LCORL: variants seen among roughly 807,000 people sequenced by gnomAD.
LCORL encodes the protein ligand dependent nuclear receptor corepressor like.
LCORL carries 41 observed loss-of-function variants against 141.8 expected under a neutral mutation model. That is an observed-to-expected ratio of 0.29 (90% CI 0.23 to 0.38). LCORL has a LOEUF of 0.38. Among genes scored for constraint, LCORL ranks in the 10% least tolerant of loss-of-function variants. The pLI, the probability that LCORL is intolerant of heterozygous loss-of-function variation, is 1.00. For synonymous variants in LCORL, 618 were observed against 694.1 expected (o/e 0.89, Z 1.72); for missense variants, 1,759 against 2,035.0 (o/e 0.86, Z 2.61).
At chr4:17,933,636 G>A (rs1736396449) in intron 4 of LCORL, among the ~76,000 whole-genome samples, 1 of 152,036 alleles carries the variant, frequency 6.6e-6, no homozygotes, top group African/African-American at 2.4e-5. Flanking sequence ...AATTCACTTT[G>A]AGGTGTTATG....
intron 4 of LCORL, among the ~76,000 whole-genome samples, chr4:17,923,726 G>C (rs1266220761): frequency 6.6e-6 from 1 of 151,972 alleles, no homozygotes; most frequent in Non-Finnish European, 1.5e-5. Flanking sequence ...TTAATGTAGA[G>C]GAAGGGATCC....
In LCORL at chr4:17,996,602, A is replaced by G. The variant is rs111485418; in HGVS notation, c.155-23717T>C. Among the ~76,000 whole-genome samples the G allele has an allele frequency of 2.6e-3, 393 of 152,270 alleles. 4 individuals carry two copies. Among genetic ancestry groups the G allele is most frequent in the Non-Finnish European group, 4.5e-3 (303 of 67,958 alleles). ...GATGGGAATTTCAATTTCATCTGTC[A>G]TATTTTATTCCTTTAAATGCAAGGT... On this transcript the variant is annotated intron_variant, in intron 1 of 7. Coordinates refer to ENST00000635767, the Ensembl canonical transcript of LCORL.
intron 7 of LCORL, among the ~76,000 whole-genome samples, chr4:17,857,197 C>A (rs1393392567): frequency 6.6e-6 from 1 of 151,450 alleles, no homozygotes; most frequent in Non-Finnish European, 1.5e-5. Context: ...GTTGGGGAGA[C>A]AGTGACTGGA....
chr4:18,003,697 G>A (rs1296157174), intron 1 of LCORL, among the ~76,000 whole-genome samples: 1 of 152,176 alleles, frequency 6.6e-6, no homozygotes, highest in African/African-American at 2.4e-5. Flanking sequence ...AAGTGTTTTA[G>A]GTTTTAAGAT....
chr4:17,885,973 CTATA>C (rs1212409794), intron 6 of LCORL, 91 bp downstream of exon 6: 2 of 551,702 alleles, frequency 3.6e-6, no homozygotes, highest in Non-Finnish European at 6.0e-6. Context: ...TGGAGGAAAA[CTATA>C]TACGTCAATA....
At position 17,962,955 on chromosome 4, in the gene LCORL, A is replaced by G. The variant is rs749532464; in HGVS notation, c.300+15T>C. ...TGCATTAGTTTAAAGATAATTTCAT[A>G]GCACTAAAACTTACACTGACTGCTT... On this transcript the variant is annotated intron_variant, in intron 3 of 7. Coordinates refer to ENST00000635767, the Ensembl canonical transcript of LCORL. The G allele has an allele frequency of 4.2e-6, 6 of 1,437,052 alleles. No individual in the cohort carries two copies. In the South Asian group the frequency reaches 5.7e-5, roughly 14 times the overall value. 89.0% of individuals were successfully genotyped at this position (1,437,052 alleles called of 1,614,324 possible). A position where few individuals can be genotyped will look rare whatever the true frequency, so the allele number is the denominator to read the frequency against.
intron 4 of LCORL, among the ~76,000 whole-genome samples, chr4:17,961,375 G>A (rs1577557222): frequency 1.3e-5 from 2 of 152,070 alleles, no homozygotes; most frequent in East Asian, 3.9e-4. Flanking sequence ...GGTTTGAGTA[G>A]TTTGGAGAGA....
intron 1 of LCORL, among the ~76,000 whole-genome samples, chr4:17,995,907 A>G (rs1251467979): frequency 1.3e-5 from 2 of 152,122 alleles, no homozygotes; most frequent in African/African-American, 4.8e-5. Context: ...TATCTCTCTG[A>G]ATCACTGAGA....
At chr4:17,993,752 C>T (rs1040995839) in intron 1 of LCORL, among the ~76,000 whole-genome samples, 9 of 150,974 alleles carry the variant, frequency 6.0e-5, no homozygotes, top group African/African-American at 1.2e-4. Flanking sequence ...CAGCAAGTGG[C>T]GAATAGAATG....
At chr4:17,902,054 G>T (rs7668711) in intron 5 of LCORL, among the ~76,000 whole-genome samples, 5,144 of 152,104 alleles carry the variant, frequency 0.034, 105 homozygotes, top group African/African-American at 0.055. Context: ...ACTGGTTGGG[G>T]GTAGAAGGTA....
At chr4:17,849,478 A>G (rs1044701973) in intron 7 of LCORL, among the ~76,000 whole-genome samples, 16 of 152,192 alleles carry the variant, frequency 1.1e-4, no homozygotes, top group African/African-American at 3.6e-4. Context: ...GTCTGTTAGA[A>G]GGAAAACTAA....
At chr4:17,967,753 A>G (rs1407141443) in intron 2 of LCORL, among the ~76,000 whole-genome samples, 1 of 152,184 alleles carries the variant, frequency 6.6e-6, no homozygotes, top group Non-Finnish European at 1.5e-5. Flanking sequence ...TACTCAGGTA[A>G]GTCTTTACTT....
chr4:17,942,562 G>A (rs911150543), intron 4 of LCORL, among the ~76,000 whole-genome samples: 3 of 152,024 alleles, frequency 2.0e-5, no homozygotes, highest in African/African-American at 7.2e-5. Flanking sequence ...TACTGTAATA[G>A]GATAATTACA....
intron 1 of LCORL, among the ~76,000 whole-genome samples, chr4:18,010,883 T>C (rs1159889831): frequency 2.6e-5 from 4 of 152,172 alleles, no homozygotes; most frequent in African/African-American, 9.7e-5. Context: ...ATTGTTACAA[T>C]ACCTTTCCCT....
intron 7 of LCORL, among the ~76,000 whole-genome samples, chr4:17,862,505 G>T (rs992844763): frequency 6.6e-6 from 1 of 152,116 alleles, no homozygotes; most frequent in Admixed American, 6.5e-5. Context: ...AAAACAGCAT[G>T]GTACTAGTAC....
intron 6 of LCORL, chr4:17,882,266 T>C (rs1247879324): frequency 1.0e-6 from 1 of 984,514 alleles, no homozygotes; most frequent in African/African-American, 1.7e-5. Flanking sequence ...CTTTTGGACT[T>C]AGGAAAACTG....
chr4:17,933,049 AC>A (rs1267037973), intron 4 of LCORL, among the ~76,000 whole-genome samples: 1 of 152,058 alleles, frequency 6.6e-6, no homozygotes, highest in Non-Finnish European at 1.5e-5. Context: ...ATTTTGATTT[AC>A]CTGATTTTTA....
intron 1 of LCORL, among the ~76,000 whole-genome samples, chr4:18,007,738 A>G (rs935096745): frequency 1.3e-5 from 2 of 152,230 alleles, no homozygotes; most frequent in African/African-American, 4.8e-5. Flanking sequence ...CAATTTTAGA[A>G]TGGGTCTGAG....
intron 5 of LCORL, among the ~76,000 whole-genome samples, chr4:17,892,694 G>A (rs1459419348): frequency 6.6e-6 from 1 of 152,150 alleles, no homozygotes; most frequent in Non-Finnish European, 1.5e-5. Context: ...TTAGGAAAAT[G>A]CTATAGGTGA....
Sources: allele counts gnomAD v4.1 joint callset (sites outside exome capture counted in the v4.1 genomes callset), GRCh38; gene constraint gnomAD v4.1.1; transcripts MANE v1.5; gene names NCBI Gene and HGNC (gene_info 2026-07-23, HGNC 2026-07-21).